Variants in PBX1 observed in about 807,000 individuals in gnomAD.
PBX1 encodes the protein pre-B-cell leukemia transcription factor 1.
PBX1 carries 6 observed loss-of-function variants against 53.4 expected under a neutral mutation model. That is an observed-to-expected ratio of 0.11 (90% confidence interval 0.06 to 0.22). The LOEUF (loss-of-function observed/expected upper bound fraction) is 0.22. PBX1 is among the 10% of genes least tolerant of loss of function. PBX1 has a pLI of 1.00. For synonymous variants in PBX1, 204 were observed against 212.3 expected, an observed-to-expected ratio of 0.96 and a Z score of 0.34; for missense variants, 251 against 551.4, an observed-to-expected ratio of 0.46 and a Z score of 5.46.
intron 6 of PBX1, chr1:164,818,294 A>C (rs935654618): frequency 6.6e-6 from 1 of 152,208 alleles, no homozygotes. Flanking sequence ...AATGGAAGGA[A>C]GTTACAGACC....
At chr1:164,702,190 T>G (rs1332162660) in intron 2 of PBX1, among the ~76,000 whole-genome samples, 1 of 88,800 alleles carries the variant, frequency 1.1e-5, no homozygotes, top group Non-Finnish European at 2.6e-5. Flanking sequence ...CACGATGAGG[T>G]TTTTTTTTTA....
intron 2 of PBX1, among the ~76,000 whole-genome samples, chr1:164,755,136 C>T (rs1485419231): frequency 6.6e-6 from 1 of 152,154 alleles, no homozygotes; most frequent in Non-Finnish European, 1.5e-5. Context: ...ATTCATTGAT[C>T]TAGGAAGAAT....
intron 2 of PBX1, among the ~76,000 whole-genome samples, chr1:164,750,797 C>T (rs1265212542): frequency 1.3e-5 from 2 of 152,192 alleles, no homozygotes; most frequent in African/African-American, 4.8e-5. Flanking sequence ...GATTTGTCTT[C>T]ACTGTGACTT....
Position 164,857,716 on chromosome 1 carries a change from G to C in PBX1, n.257+26233G>C, listed in dbSNP as rs368053108. Among the ~76,000 whole-genome samples, 176 of 152,222 alleles carry C rather than the reference G, an allele frequency of 1.2e-3. 5 individuals carry two copies. In the South Asian group the frequency reaches 0.032, roughly 27 times the overall value. On this transcript the variant is annotated intron_variant and non_coding_transcript_variant, in intron 2 of 2. Transcript: ENST00000558796. ...AACAGTTTCAGTTGTTCTGTACCAGGAACTGGGGACAAAGACCAAATTTCC... is the reference window on the plus strand; with the variant it reads ...AACAGTTTCAGTTGTTCTGTACCAGCAACTGGGGACAAAGACCAAATTTCC...
chr1:164,717,916 T>C (rs1664192779), intron 2 of PBX1, among the ~76,000 whole-genome samples: 1 of 152,212 alleles, frequency 6.6e-6, no homozygotes, highest in Admixed American at 6.5e-5. Flanking sequence ...TAATAACAAC[T>C]GTTAATATAC....
At chr1:164,765,607 A>C (rs946866375) in intron 2 of PBX1, among the ~76,000 whole-genome samples, 4 of 152,170 alleles carry the variant, frequency 2.6e-5, no homozygotes. Context: ...ACACATGTTA[A>C]CTCATTTAAA....
intron 8 of PBX1, among the ~76,000 whole-genome samples, chr1:164,830,782 C>T (rs1453132518): frequency 6.6e-6 from 1 of 152,194 alleles, no homozygotes; most frequent in Non-Finnish European, 1.5e-5. Context: ...TTCCTCCCTG[C>T]CCTGCTAGTC....
intron 8 of PBX1, among the ~76,000 whole-genome samples, chr1:164,833,767 T>G (rs1260353127): frequency 6.6e-6 from 1 of 152,188 alleles, no homozygotes; most frequent in Non-Finnish European, 1.5e-5. Flanking sequence ...TGTGTATGTT[T>G]TTTTAACCAG....
At chr1:164,758,513 A>G (rs574849957) in intron 2 of PBX1, among the ~76,000 whole-genome samples, 50 of 152,264 alleles carry the variant, frequency 3.3e-4, no homozygotes, top group Non-Finnish European at 5.1e-4. Context: ...GGTCCCCAGC[A>G]GAGGATGGGT....
intron 2 of PBX1, among the ~76,000 whole-genome samples, chr1:164,752,628 C>G (rs776866546): frequency 6.6e-6 from 1 of 152,136 alleles, no homozygotes; most frequent in Non-Finnish European, 1.5e-5. Flanking sequence ...ATCTTCTTCT[C>G]ATAAACACTA....
At chr1:164,683,335 A>C (rs1027207171) in intron 2 of PBX1, 1 of 152,200 alleles carries the variant, frequency 6.6e-6, no homozygotes, top group African/African-American at 2.4e-5. Flanking sequence ...GTCTAAAATA[A>C]GACTTTGACC....
chr1:164,742,866 A>C (rs1665684372), intron 2 of PBX1, among the ~76,000 whole-genome samples: 1 of 152,226 alleles, frequency 6.6e-6, no homozygotes, highest in Non-Finnish European at 1.5e-5. Flanking sequence ...TGAAAATGCT[A>C]GAGGCATGGC....
chr1:164,655,086 A>G (rs1571158432), intron 2 of PBX1, among the ~76,000 whole-genome samples: 1 of 141,452 alleles, frequency 7.1e-6, no homozygotes, highest in South Asian at 2.3e-4. Context: ...TCTCTTCCCC[A>G]GTCTCTGATG....
chr1:164,562,390 T>C (rs1653116246), intron 1 of PBX1, among the ~76,000 whole-genome samples: 1 of 151,646 alleles, frequency 6.6e-6, no homozygotes, highest in African/African-American at 2.4e-5. Flanking sequence ...ATCATTCTGC[T>C]AAGTGGTTCC....
intron 2 of PBX1, among the ~76,000 whole-genome samples, chr1:164,883,729 C>T (rs1672713742): frequency 6.6e-6 from 1 of 152,192 alleles, no homozygotes; most frequent in Admixed American, 6.5e-5. Flanking sequence ...CCTTCCCCTT[C>T]TGTAATGAAT....
At chr1:164,786,360 C>G (rs557546198) in intron 2 of PBX1, among the ~76,000 whole-genome samples, 1 of 152,244 alleles carries the variant, frequency 6.6e-6, no homozygotes, top group Admixed American at 6.5e-5. Context: ...CTAGGCAGTA[C>G]GTGCCCTGGT....
chr1:164,660,455 A>T (rs1660420646), intron 2 of PBX1, among the ~76,000 whole-genome samples: 1 of 152,226 alleles, frequency 6.6e-6, no homozygotes, highest in African/African-American at 2.4e-5. Context: ...AAGATCAAGG[A>T]CACTTTACAG....
chr1:164,742,792 C>T (rs1231703621), intron 2 of PBX1, among the ~76,000 whole-genome samples: 1 of 152,108 alleles, frequency 6.6e-6, no homozygotes, highest in Non-Finnish European at 1.5e-5. Flanking sequence ...TCAATTTAAC[C>T]AAATTTGGGC....
At chr1:164,563,909 T>C (rs889097382) in intron 2 of PBX1, 1 of 152,180 alleles carries the variant, frequency 6.6e-6, no homozygotes, top group Non-Finnish European at 1.5e-5. Flanking sequence ...ATTCACTCTG[T>C]TGTTTTTCTA....
Sources: gnomAD v4.1 joint callset for allele counts (sites outside exome capture counted in the v4.1 genomes callset) on GRCh38, gnomAD v4.1.1 for gene constraint, MANE v1.5 for transcripts, NCBI Gene and HGNC (gene_info 2026-07-23, HGNC 2026-07-21) for gene names.